The following BLVRA variants were observed in gnomAD, a reference collection of about 807,000 sequenced individuals.
The protein encoded by BLVRA is biliverdin reductase A, also known as BVR A.
A neutral mutation model predicts 32.8 loss-of-function variants in BLVRA; 22 were observed. The observed-to-expected ratio is 0.67, with a 90% CI of 0.48 to 0.96. The LOEUF (loss-of-function observed/expected upper bound fraction) is 0.96, where lower values mean the gene tolerates loss of function less well. Among genes scored for constraint, BLVRA ranks in the 40% least tolerant of loss-of-function variants. The probability of loss-of-function intolerance (pLI) is 0.00; values close to 1 mark genes in which losing one functional copy is unlikely to be tolerated. For synonymous variants in BLVRA, 119 were observed against 141.3 expected (o/e 0.84, Z 1.12); for missense variants, 323 against 358.1 (o/e 0.90, Z 0.79).
At chr7:43,771,862 C>T (rs1384010005) in intron 2 of BLVRA, among the ~76,000 whole-genome samples, 1 of 152,230 alleles carries the variant, frequency 6.6e-6, no homozygotes, top group Non-Finnish European at 1.5e-5. Context: ...TGCCAGTGCC[C>T]TGAACCCCCA....
Position 43,800,532 on chromosome 7 carries a change from G to A in BLVRA, c.420G>A (p.Val140=), listed in dbSNP as rs2095797515. 2 of 1,613,926 alleles carry A rather than the reference G, an allele frequency of 1.2e-6. No homozygotes were observed. Among genetic ancestry groups the A allele is most frequent in the Non-Finnish European group, 1.7e-6 (2 of 1,179,808 alleles). ...AATTCGCTTTCCTGAAAAAAGAAGT[G>A]GTGGGGAAAGACCTGCTGAAAGGGT... ...MEEFAFLKKE[V]VGKDLLKGSL... is the part of the protein sequence containing the mutation. The change falls in exon 6 of 8, where the codon GTG becomes GTA. Residue 140 remains valine (V), a synonymous_variant. Coordinates refer to ENST00000265523, the MANE Select transcript of BLVRA (RefSeq NM_000712.4).
chr7:43,781,985 G>A (rs538230157), intron 2 of BLVRA, among the ~76,000 whole-genome samples: 10 of 152,262 alleles, frequency 6.6e-5, no homozygotes, highest in Non-Finnish European at 1.2e-4. Context: ...GTTTTCTCAA[G>A]AGTCCTCTCT....
upstream of BLVRA, among the ~76,000 whole-genome samples, chr7:43,758,351 A>AGGCACACCGTGAGGGGGCCC (rs2095738344): frequency 6.6e-6 from 1 of 151,398 alleles, no homozygotes; most frequent in Non-Finnish European, 1.5e-5. Context: ...CGCCGGGGCC[A>AGGCACACCGTGAGGGGGCCC]GGCACACCGT....
chr7:43,775,908 A>T (rs1341044853), intron 2 of BLVRA, among the ~76,000 whole-genome samples: 2 of 151,868 alleles, frequency 1.3e-5, no homozygotes, highest in African/African-American at 4.8e-5. Flanking sequence ...TTTCTTCTAG[A>T]TTTTCTAGTT....
chr7:43,801,397 C>T (rs2095798525), intron 6 of BLVRA, among the ~76,000 whole-genome samples: 1 of 152,146 alleles, frequency 6.6e-6, no homozygotes, highest in Admixed American at 6.6e-5. Flanking sequence ...GAAGCTCCTG[C>T]TCTTGTGGCC....
chr7:43,770,661 G>C (rs777213697), intron 1 of BLVRA, among the ~76,000 whole-genome samples: 4 of 152,066 alleles, frequency 2.6e-5, no homozygotes, highest in Non-Finnish European at 5.9e-5. Flanking sequence ...TTAATGCTGA[G>C]GGTCCGGAGC....
At chr7:43,771,036 G>C in intron 1 of BLVRA, 102 bp from the exon 2 acceptor site, 1 of 979,580 alleles carries the variant, frequency 1.0e-6, no homozygotes, top group Non-Finnish European at 1.7e-6. Context: ...AGAATGATGG[G>C]ACAGGAAGCA....
chr7:43,803,537 C>T (rs2095800960), intron 6 of BLVRA, 139 bp from the exon 7 acceptor site: 1 of 931,630 alleles, frequency 1.1e-6, no homozygotes, highest in South Asian at 1.3e-5. Flanking sequence ...CGTTGCCTGC[C>T]TACCACATAA....
In BLVRA at chr7:43,795,266, A is replaced by C. The variant is rs2095790501; in HGVS notation, c.352+2454A>C. Among the ~76,000 whole-genome samples, 4 of 152,202 alleles carry C rather than the reference A, an allele frequency of 2.6e-5. No individual in the cohort carries two copies. In the South Asian group the frequency reaches 8.3e-4, roughly 32 times the overall value. On this transcript the variant is annotated intron_variant, in intron 5 of 7. Transcript: ENST00000265523. ...AAAAATAGATTGTGCCTGTAATCCC[A>C]GCACTTTGGGAGGCTGAGGCGGGCG...
chr7:43,774,711 T>C (rs2132555853), intron 2 of BLVRA, among the ~76,000 whole-genome samples: 1 of 152,344 alleles, frequency 6.6e-6, no homozygotes, highest in East Asian at 1.9e-4. Flanking sequence ...TGGCATTGAA[T>C]ATATAAATTA....
At chr7:43,769,244 G>A (rs1365269631) in intron 1 of BLVRA, among the ~76,000 whole-genome samples, 1 of 151,960 alleles carries the variant, frequency 6.6e-6, no homozygotes, top group Non-Finnish European at 1.5e-5. Flanking sequence ...TGCCCAAGCT[G>A]GTCTCGGACT....
Position 43,801,197 on chromosome 7 carries a change from A to G in BLVRA, c.460+625A>G, listed in dbSNP as rs550850922. ...AAATTTGTGTAAACAGTGTCTCCCT[A>G]TGTTGCCCAGCCTCATCTCAAACTC... is the stretch of plus-strand genomic sequence containing the variant. On this transcript the variant is annotated intron_variant, in intron 6 of 7. Coordinates refer to ENST00000265523, the MANE Select transcript of BLVRA (RefSeq NM_000712.4). Among the ~76,000 whole-genome samples the G allele has an allele frequency of 8.7e-4, 132 of 152,034 alleles. 1 individual carries two copies. The highest frequency in any genetic ancestry group is 4.6e-4 in the Non-Finnish European group (31 of 67,998).
At chr7:43,764,753 C>T (rs906088114) in intron 1 of BLVRA, among the ~76,000 whole-genome samples, 4 of 151,762 alleles carry the variant, frequency 2.6e-5, no homozygotes, top group African/African-American at 9.7e-5. Context: ...AAAGTTAAAC[C>T]GAAAGAGAAC....
At chr7:43,782,232 A>G (rs543801754) in intron 2 of BLVRA, among the ~76,000 whole-genome samples, 1 of 152,304 alleles carries the variant, frequency 6.6e-6, no homozygotes, top group East Asian at 1.9e-4. Context: ...AGAGCTTGGG[A>G]GGGTCAGTGA....
intron 1 of BLVRA, among the ~76,000 whole-genome samples, chr7:43,758,953 G>C (rs563846985): frequency 3.2e-4 from 49 of 152,268 alleles, no homozygotes; most frequent in African/African-American, 1.0e-3. Context: ...CGCGGGTCCC[G>C]GCAAGGGGCT....
At chr7:43,782,991 G>A (rs1332714951) in intron 2 of BLVRA, among the ~76,000 whole-genome samples, 1 of 152,040 alleles carries the variant, frequency 6.6e-6, no homozygotes, top group African/African-American at 2.4e-5. Context: ...GGACAGGGCA[G>A]GGGCAGGGGC....
chr7:43,774,420 G>C (rs1217047655), intron 2 of BLVRA, among the ~76,000 whole-genome samples: 3 of 152,054 alleles, frequency 2.0e-5, no homozygotes, highest in East Asian at 1.9e-4. Flanking sequence ...GCTTGTTTTT[G>C]TCGGGTTTGT....
At chr7:43,806,874 G>A in intron 7 of BLVRA, 103 bp from the exon 8 acceptor site, 1 of 1,349,846 alleles carries the variant, frequency 7.4e-7, no homozygotes, top group South Asian at 1.2e-5. Context: ...AGGAGGATGG[G>A]TGCCTGACAA....
chr7:43,789,399 G>A (rs1018176760), intron 3 of BLVRA, among the ~76,000 whole-genome samples: 6 of 152,148 alleles, frequency 3.9e-5, no homozygotes, highest in African/African-American at 7.2e-5. Flanking sequence ...GAAGCACCAG[G>A]GAGACCCAGA....
Sources: gnomAD v4.1 joint callset for allele counts (sites outside exome capture counted in the v4.1 genomes callset) on GRCh38, gnomAD v4.1.1 for gene constraint, MANE v1.5 for transcripts, NCBI Gene and HGNC (gene_info 2026-07-23, HGNC 2026-07-21) for gene names.